The following DPH6 variants were observed in gnomAD, a reference collection of about 807,000 sequenced individuals.
DPH6 encodes the protein diphthine--ammonia ligase.
A neutral mutation model predicts 38.2 loss-of-function variants in DPH6; 33 were observed. The observed-to-expected ratio is 0.86, with a 90% CI of 0.65 to 1.15. The LOEUF is 1.15. Among genes scored for constraint, DPH6 ranks in the 50% most tolerant of loss-of-function variants. DPH6 has a pLI of 0.00. For synonymous variants in DPH6, 108 were observed against 103.0 expected, an observed-to-expected ratio of 1.05 and a Z score of -0.30; for missense variants, 325 against 320.0, an observed-to-expected ratio of 1.02 and a Z score of -0.12.
At chr15:35,275,681 C>T (rs191163830) in intron 3 of DPH6, among the ~76,000 whole-genome samples, 1 of 150,732 alleles carries the variant, frequency 6.6e-6, no homozygotes, top group African/African-American at 2.4e-5. Flanking sequence ...AACAAACTTG[C>T]ACATTCTGCA....
In DPH6 at chr15:35,334,217, A is replaced by T. The variant is rs192842153; in HGVS notation, n.208-3140T>A. On this transcript the variant is annotated intron_variant and non_coding_transcript_variant, in intron 3 of 3. Coordinates refer to the DPH6 transcript ENST00000558973. Reference sequence around the variant, plus strand: ...TTTAAAAAAAGGTAAAAATGATCTAAAGATACCTTAAAGATCAACTTGCAT... The same window carrying T: ...TTTAAAAAAAGGTAAAAATGATCTATAGATACCTTAAAGATCAACTTGCAT... 6.6e-3 allele frequency among the ~76,000 whole-genome samples: 1,003 copies of T among 152,262 alleles called. 8 individuals are homozygous for T. Among genetic ancestry groups the T allele is most frequent in the Non-Finnish European group, 9.1e-3 (617 of 68,016 alleles).
At chr15:35,357,220 C>T (rs1436549121) in intron 3 of DPH6, among the ~76,000 whole-genome samples, 1 of 152,228 alleles carries the variant, frequency 6.6e-6, no homozygotes, top group Non-Finnish European at 1.5e-5. Flanking sequence ...TCCCTGACCC[C>T]TTGTGCTTCC....
intron 3 of DPH6, among the ~76,000 whole-genome samples, chr15:35,287,267 A>T (rs532907864): frequency 6.6e-6 from 1 of 152,308 alleles, no homozygotes; most frequent in Admixed American, 6.5e-5. Flanking sequence ...TTAGTAAAAC[A>T]GTTTGTTTGA....
chr15:35,425,664 AGTGTGTGTGTATGT>A lies in DPH6; in HGVS notation c.506-14782_506-14769del, dbSNP rs764305905. ...TATCCATATATAAGATATATATGGA[AGTGTGTGTGTATGT>A]GTGTGTGTGTATGGGTGTGTGTGTG... On this transcript the variant is annotated intron_variant, in intron 5 of 8. Coordinates refer to ENST00000256538, the MANE Select transcript of DPH6 (RefSeq NM_080650.4). 2.1e-3 allele frequency among the ~76,000 whole-genome samples: 262 copies of A among 124,944 alleles called. 1 individual carries two copies. Among genetic ancestry groups the A allele is most frequent in the East Asian group, 5.1e-3 (23 of 4,536 alleles). 82.0% of individuals were successfully genotyped at this position (124,944 alleles called of 152,430 possible). A position where few individuals can be genotyped will look rare whatever the true frequency, so the allele number is the denominator to read the frequency against.
chr15:35,179,443 A>T, the DPH6 span, among the ~76,000 whole-genome samples: 1 of 152,142 alleles, frequency 6.6e-6, no homozygotes, highest in South Asian at 2.1e-4. Context: ...AGTCAAATAC[A>T]TTACAGTATA....
chr15:35,153,211 G>A, the DPH6 span, among the ~76,000 whole-genome samples: 1 of 152,152 alleles, frequency 6.6e-6, no homozygotes, highest in African/African-American at 2.4e-5. Flanking sequence ...AGCAGTTGCT[G>A]AGAATGTATG....
At chr15:35,471,239 A>C in intron 3 of DPH6, among the ~76,000 whole-genome samples, 1 of 152,164 alleles carries the variant, frequency 6.6e-6, no homozygotes, top group East Asian at 1.9e-4. Context: ...ACCCAGGCTT[A>C]AGAGGTACAG....
chr15:35,228,171 T>TAAAC (rs960785091), intron 3 of DPH6, among the ~76,000 whole-genome samples: 4 of 152,190 alleles, frequency 2.6e-5, no homozygotes, highest in Non-Finnish European at 5.9e-5. Context: ...ATTGTTTGCA[T>TAAAC]AAACAAACAA....
At chr15:35,451,200 T>C (rs568361403) in intron 4 of DPH6, among the ~76,000 whole-genome samples, 6 of 152,278 alleles carry the variant, frequency 3.9e-5, no homozygotes, top group Admixed American at 1.3e-4. Context: ...AAATTAACAA[T>C]AGCTACAGTT....
At chr15:35,291,651 C>T (rs1033089548) in intron 3 of DPH6, among the ~76,000 whole-genome samples, 1 of 152,064 alleles carries the variant, frequency 6.6e-6, no homozygotes, top group Non-Finnish European at 1.5e-5. Context: ...TTCTCACCTC[C>T]TCCCAATTTT....
intron 3 of DPH6, among the ~76,000 whole-genome samples, chr15:35,252,623 T>C (rs1442111968): frequency 1.3e-5 from 2 of 152,242 alleles, no homozygotes. Context: ...CTGTTATCAA[T>C]TAATGCTTGT....
intron 6 of DPH6, among the ~76,000 whole-genome samples, chr15:35,385,405 G>T (rs2052937392): frequency 6.6e-6 from 1 of 152,126 alleles, no homozygotes; most frequent in South Asian, 2.1e-4. Flanking sequence ...AAGAAAATGT[G>T]GCACATATAC....
intron 3 of DPH6, among the ~76,000 whole-genome samples, chr15:35,480,700 T>C (rs913647864): frequency 3.3e-5 from 5 of 149,422 alleles, no homozygotes; most frequent in Non-Finnish European, 7.4e-5. Context: ...AATTAAATCA[T>C]CTTATAATTA....
chr15:35,488,143 T>A (rs554730925), intron 3 of DPH6, among the ~76,000 whole-genome samples: 2 of 152,126 alleles, frequency 1.3e-5, no homozygotes, highest in Non-Finnish European at 2.9e-5. Flanking sequence ...CTATTTTTGA[T>A]CATATAAGCA....
At chr15:35,406,775 G>C (rs1384458769) in intron 6 of DPH6, among the ~76,000 whole-genome samples, 1 of 151,986 alleles carries the variant, frequency 6.6e-6, no homozygotes, top group Non-Finnish European at 1.5e-5. Context: ...TTCTGCTGTT[G>C]AGGTTGAGGG....
intron 6 of DPH6, among the ~76,000 whole-genome samples, chr15:35,384,388 G>T (rs2052915439): frequency 6.6e-6 from 1 of 152,150 alleles, no homozygotes; most frequent in Admixed American, 6.5e-5. Flanking sequence ...TTCTTATACA[G>T]ATGTATTTAA....
At chr15:35,253,277 G>C (rs2051686277) in intron 3 of DPH6, among the ~76,000 whole-genome samples, 1 of 152,194 alleles carries the variant, frequency 6.6e-6, no homozygotes, top group African/African-American at 2.4e-5. Flanking sequence ...GCATCATCAA[G>C]TGAAGTGAAG....
intron 3 of DPH6, among the ~76,000 whole-genome samples, chr15:35,347,399 G>A (rs1448756599): frequency 4.6e-5 from 7 of 151,152 alleles, no homozygotes; most frequent in African/African-American, 1.7e-4. Context: ...TGATCCTCCT[G>A]CCTAGGCCTC....
chr15:35,312,203 T>C (rs934584728), intron 3 of DPH6, among the ~76,000 whole-genome samples: 2 of 152,168 alleles, frequency 1.3e-5, no homozygotes, highest in African/African-American at 4.8e-5. Context: ...CAATAAAGCA[T>C]GCATTTCCAA....
Sources: gnomAD v4.1 joint callset for allele counts (sites outside exome capture counted in the v4.1 genomes callset) on GRCh38, gnomAD v4.1.1 for gene constraint, MANE v1.5 for transcripts, NCBI Gene and HGNC (gene_info 2026-07-23, HGNC 2026-07-21) for gene names.